The following RIN3 variants were observed in gnomAD, a reference collection of about 807,000 sequenced individuals.
RIN3 encodes the protein Ras and Rab interactor 3.
RIN3 carries 54 observed loss-of-function variants against 76.3 expected under a neutral mutation model. That is an observed-to-expected ratio of 0.71 (90% CI 0.57 to 0.89). The LOEUF is 0.89. RIN3 is among the 40% of genes least tolerant of loss of function. The pLI, the probability that RIN3 is intolerant of heterozygous loss-of-function variation, is 0.00. For synonymous variants in RIN3, 576 were observed against 564.0 expected (o/e 1.02, Z -0.30); for missense variants, 1,256 against 1,322.1 (o/e 0.95, Z 0.78).
chr14:92,609,468 T>A (rs547799142), intron 3 of RIN3, among the ~76,000 whole-genome samples: 19 of 152,334 alleles, frequency 1.2e-4, no homozygotes, highest in African/African-American at 4.3e-4. Context: ...CCCCTGAGGC[T>A]TTTGCTGAGG....
At chr14:92,615,698 C>A in intron 4 of RIN3, 1 of 551,116 alleles carries the variant, frequency 1.8e-6, no homozygotes, top group Non-Finnish European at 3.2e-6. Flanking sequence ...TCCACACCTG[C>A]CCCTCTGGCT....
intron 3 of RIN3, among the ~76,000 whole-genome samples, chr14:92,593,685 TATA>T (rs530757225): frequency 9.9e-5 from 15 of 151,728 alleles, no homozygotes; most frequent in Non-Finnish European, 1.3e-4. Flanking sequence ...GAACTTAAAG[TATA>T]ATAATAATAA....
intron 3 of RIN3, among the ~76,000 whole-genome samples, chr14:92,611,295 T>C (rs1233885399): frequency 5.1e-5 from 2 of 39,294 alleles, no homozygotes; most frequent in Admixed American, 4.3e-4. Flanking sequence ...CATGACCTTC[T>C]TTTTTTTTGG....
At chr14:92,577,639 T>C (rs992621766) in intron 3 of RIN3, among the ~76,000 whole-genome samples, 162 bp downstream of exon 3, 3 of 152,202 alleles carry the variant, frequency 2.0e-5, no homozygotes, top group African/African-American at 7.2e-5. Context: ...CAGACTTGTT[T>C]TGAACTCAGT....
At chr14:92,576,873 C>T (rs1009853437) in intron 2 of RIN3, among the ~76,000 whole-genome samples, 1 of 152,060 alleles carries the variant, frequency 6.6e-6, no homozygotes, top group African/African-American at 2.4e-5. Context: ...TGTGAATTGA[C>T]TAATATCTGT....
chr14:92,529,537 C>T (rs557981483), intron 1 of RIN3, among the ~76,000 whole-genome samples: 5 of 152,038 alleles, frequency 3.3e-5, no homozygotes, highest in South Asian at 2.1e-4. Context: ...CGTGAGCCAC[C>T]GCACCCAGCC....
chr14:92,655,925 C>T (rs1255510837), intron 6 of RIN3, among the ~76,000 whole-genome samples: 2 of 152,088 alleles, frequency 1.3e-5, no homozygotes, highest in African/African-American at 4.8e-5. Context: ...GGAGGTCGAG[C>T]GGGCCATGGA....
At chr14:92,554,602 ATATTT>A (rs1380139012) in intron 1 of RIN3, among the ~76,000 whole-genome samples, 8 of 152,232 alleles carry the variant, frequency 5.3e-5, no homozygotes, top group Non-Finnish European at 8.8e-5. Context: ...AATTTTAATA[ATATTT>A]TATTTAACCT....
chr14:92,595,896 G>A (rs1272094543), intron 3 of RIN3, among the ~76,000 whole-genome samples: 1 of 152,208 alleles, frequency 6.6e-6, no homozygotes, highest in Non-Finnish European at 1.5e-5. Flanking sequence ...TCTGATGCCT[G>A]TCTCACCAGC....
intron 6 of RIN3, 137 bp downstream of exon 6, chr14:92,653,212 C>G (rs1358289558): frequency 1.1e-6 from 1 of 912,658 alleles, no homozygotes; most frequent in Non-Finnish European, 1.6e-6. Flanking sequence ...GCACCAGGAA[C>G]TTTCTCTGGC....
intron 1 of RIN3, among the ~76,000 whole-genome samples, chr14:92,546,366 G>A (rs756018035): frequency 1.3e-5 from 2 of 152,080 alleles, no homozygotes; most frequent in Non-Finnish European, 2.9e-5. Flanking sequence ...TCTTTTTGCT[G>A]GGAACATTCG....
At chr14:92,626,071 C>T (rs912402677) in intron 4 of RIN3, among the ~76,000 whole-genome samples, 1 of 152,274 alleles carries the variant, frequency 6.6e-6, no homozygotes, top group Non-Finnish European at 1.5e-5. Context: ...ATGGGCCCTT[C>T]ATCTTTTTCC....
rs1260533357 is a variant in RIN3, at chr14:92,574,354, C to T, written c.250-3006C>T. The stretch of plus-strand genomic sequence containing the variant: ...GCAGCCCCACCCTAATCTTTTATTA[C>T]GTAGATGGATTCTCTACCTGGCTAT... On this transcript the variant is annotated intron_variant, in intron 2 of 9. Transcript: ENST00000216487. 5.9e-5 allele frequency among the ~76,000 whole-genome samples: 9 copies of T among 152,316 alleles called. No homozygotes were observed. In the South Asian group the frequency reaches 1.0e-3, roughly 18 times the overall value.
chr14:92,598,104 G>A (rs193180688), intron 3 of RIN3, among the ~76,000 whole-genome samples: 6 of 152,184 alleles, frequency 3.9e-5, no homozygotes, highest in South Asian at 2.1e-4. Context: ...TATGCCAGTC[G>A]CAGATGTAGC....
chr14:92,567,743 A>G (rs1595422001), intron 2 of RIN3, among the ~76,000 whole-genome samples: 1 of 150,744 alleles, frequency 6.6e-6, no homozygotes, highest in Non-Finnish European at 1.5e-5. Context: ...GCTCTTTTTA[A>G]TCTACTGTGG....
intron 6 of RIN3, 46 bp downstream of exon 6, chr14:92,653,121 C>T (rs777927854): frequency 6.5e-7 from 1 of 1,543,174 alleles, no homozygotes; most frequent in South Asian, 1.2e-5. Context: ...GGCGGTGGGG[C>T]TCACAGACTC....
intron 1 of RIN3, among the ~76,000 whole-genome samples, chr14:92,530,167 ATCAGCAGC>A (rs1896847965): frequency 6.6e-6 from 1 of 152,176 alleles, no homozygotes; most frequent in Admixed American, 6.5e-5. Context: ...CACTTCTACC[ATCAGCAGC>A]TCATGCCTCT....
At chr14:92,515,995 G>A (rs749809986) in intron 1 of RIN3, among the ~76,000 whole-genome samples, 16 of 152,146 alleles carry the variant, frequency 1.1e-4, no homozygotes, top group Non-Finnish European at 2.2e-4. Context: ...GACAGATGCC[G>A]AACTGTGCGG....
At chr14:92,527,572 G>A (rs977285608) in intron 1 of RIN3, among the ~76,000 whole-genome samples, 25 of 152,100 alleles carry the variant, frequency 1.6e-4, no homozygotes, top group Admixed American at 1.3e-4. Flanking sequence ...GTACGTTTCT[G>A]CACGTTTTGA....
Sources: allele counts gnomAD v4.1 joint callset (sites outside exome capture counted in the v4.1 genomes callset), GRCh38; gene constraint gnomAD v4.1.1; transcripts MANE v1.5; gene names NCBI Gene and HGNC (gene_info 2026-07-23, HGNC 2026-07-21).